Variants in ERV3-1 observed in about 807,000 individuals in gnomAD.
ERV3-1 encodes the protein endogenous retrovirus group 3 member 1 Env polyprotein.
Under a neutral mutation model 24.6 loss-of-function variants are expected in ERV3-1, and 36 were observed. The observed-to-expected ratio is 1.47, with a 90% confidence interval of 1.12 to 1.94. The LOEUF (loss-of-function observed/expected upper bound fraction) is 1.94. Among genes scored for constraint, ERV3-1 ranks in the 30% most tolerant of loss-of-function variants. The pLI is 0.00. For synonymous variants in ERV3-1, 211 were observed against 122.6 expected (o/e 1.72, Z -4.76); for missense variants, 578 against 330.9 (o/e 1.75, Z -5.79).
intron 1 of ERV3-1, chr7:65,004,017 A>T (rs540180346): frequency 8.5e-5 from 13 of 152,262 alleles, no homozygotes; most frequent in African/African-American, 2.9e-4. Flanking sequence ...CACTCTAAAA[A>T]CTAAGCCTTG....
At chr7:64,996,789 G>T (rs1350469044) in intron 1 of ERV3-1, among the ~76,000 whole-genome samples, 2 of 152,188 alleles carry the variant, frequency 1.3e-5, no homozygotes, top group Admixed American at 1.3e-4. Flanking sequence ...GGCCCTATGG[G>T]CTGGGTCACT....
rs114493766 is a variant in ERV3-1, at chr7:64,995,054, T to A, written c.-388-1640A>T. Among the ~76,000 whole-genome samples the A allele has an allele frequency of 7.3e-3, 1,110 of 152,350 alleles. 12 individuals are homozygous for A. The highest frequency in any genetic ancestry group is 0.024 in the African/African-American group (982 of 41,588). ...ATTCCCGGTTTGACTGGGAGCAGGG[T>A]AGCTGGGTTAAGGGTGTTCACTGTT... On this transcript the variant is annotated intron_variant, in intron 1 of 1. Transcript: ENST00000394323.
At chr7:64,997,953 C>T (rs1255473587) in intron 1 of ERV3-1, among the ~76,000 whole-genome samples, 2 of 152,136 alleles carry the variant, frequency 1.3e-5, no homozygotes, top group African/African-American at 4.8e-5. Flanking sequence ...CCCCGTGTTT[C>T]ACGGAGGGGC....
At chr7:64,993,834 T>C (rs1191327331) in intron 1 of ERV3-1, among the ~76,000 whole-genome samples, 1 of 152,188 alleles carries the variant, frequency 6.6e-6, no homozygotes, top group Non-Finnish European at 1.5e-5. Context: ...GTTCATGCAC[T>C]CTACTTTTCC....
At position 64,992,973 on chromosome 7, in the gene ERV3-1, G is replaced by A. The variant is rs1188524147; in HGVS notation, c.54C>T (p.Ser18=). The A allele has an allele frequency of 1.3e-6, 1 of 766,128 alleles. No individual in the cohort carries two copies. Among genetic ancestry groups the A allele is most frequent in the African/African-American group, 1.7e-5 (1 of 59,242 alleles). The allele number at this position is 766,128 out of a possible 1,614,324, so 47.5% of individuals were successfully genotyped here. Residue 18 remains serine, a synonymous_variant, in exon 2 of 2, where the codon TCC becomes TCT. Coordinates refer to ENST00000394323, the MANE Select transcript of ERV3-1 (RefSeq NM_001007253.4). Reference sequence around the variant, plus strand: ...CCTCCCAGGGTTCTCCTTTTAACATGGATAAGGGGAGTAGCAAGAACAAAG... The same window carrying A: ...CCTCCCAGGGTTCTCCTTTTAACATAGATAAGGGGAGTAGCAAGAACAAAG... ...LITLFLLLPL[S]MLKGEPWEGC...
chr7:65,003,839 G>C (rs1786574892), intron 1 of ERV3-1: 1 of 152,144 alleles, frequency 6.6e-6, no homozygotes, highest in African/African-American at 2.4e-5. Context: ...CAAGATGATA[G>C]AGTACAGAAC....
At position 64,992,277 on chromosome 7, in the gene ERV3-1, C is replaced by T. The variant is rs746276056; in HGVS notation, c.750G>A (p.Gln250=). 1 of 766,348 alleles carries T rather than the reference C, an allele frequency of 1.3e-6. No individual in the cohort carries two copies. The highest frequency in any genetic ancestry group is 1.3e-5 in the South Asian group (1 of 74,622). The allele number at this position is 766,348 out of a possible 1,614,324, so 47.5% of individuals were successfully genotyped here. The change falls in exon 2 of 2, where the codon CAG becomes CAA. Residue 250 remains glutamine, a synonymous_variant. Transcript: ENST00000394323. ...IKKTRTRSTQ[Q]FRVFESFYEH... ...CATAGAATGACTCAAAAACTCGGAA[C>T]TGTTGGGTTGAGCGGGTCCGAGTTT...
rs1458427917 is a variant in ERV3-1 at position 64,991,940 on chromosome 7, G to A, written c.1087C>T (p.Leu363=). The stretch of plus-strand genomic sequence containing the variant: ...GTCTCGTTGTAATATTGTTGTCCTA[G>A]GCAAGTTAACTCTCCTACTGGGTCT... ...FTDPVGELTC[L]GQQYYNETLG... The change falls in exon 2 of 2, where the codon CTA becomes TTA. Residue 363 remains leucine (L), a synonymous_variant. Coordinates refer to ENST00000394323, the MANE Select transcript of ERV3-1 (RefSeq NM_001007253.4). The A allele has an allele frequency of 1.3e-6, 1 of 766,316 alleles. No individual in the cohort carries two copies. The highest frequency in any genetic ancestry group is 1.7e-5 in the African/African-American group (1 of 59,204). 47.5% of individuals were successfully genotyped at this position (766,316 alleles called of 1,614,324 possible).
chr7:65,001,827 C>T (rs1413709814), intron 1 of ERV3-1, among the ~76,000 whole-genome samples: 1 of 152,190 alleles, frequency 6.6e-6, no homozygotes, highest in East Asian at 1.9e-4. Flanking sequence ...ATTATGACCC[C>T]ACTTAAGAGT....
In ERV3-1 at chr7:64,992,820, T is replaced by C. The variant is rs1455015114; in HGVS notation, c.207A>G (p.Ser69=). 1.3e-6 allele frequency: 1 copy of C among 766,410 alleles called. No individual in the cohort carries two copies. Among genetic ancestry groups the C allele is most frequent in the Non-Finnish European group, 2.4e-6 (1 of 417,888 alleles). The allele number at this position is 766,410 out of a possible 1,614,324, so 47.5% of individuals were successfully genotyped here. The change falls in exon 2 of 2, where the codon TCA becomes TCG. Residue 69 remains serine, a synonymous_variant. Coordinates refer to ENST00000394323, the MANE Select transcript of ERV3-1 (RefSeq NM_001007253.4). ...GCTGGCCCCTTCCTGGGTCACAGAC[T>C]GAGTAGGTTGTCTGGTTGTGAGTAC... ...GTCTHNQTTY[S]VCDPGRGQPY... is the part of the protein sequence containing the mutation.
chr7:65,000,620 A>C (rs967597991), intron 1 of ERV3-1, among the ~76,000 whole-genome samples: 4 of 152,150 alleles, frequency 2.6e-5, no homozygotes, highest in African/African-American at 9.7e-5. Flanking sequence ...CTCTACAAAA[A>C]GTACAAAAAG....
At position 65,006,646 on chromosome 7, in the gene ERV3-1, G is replaced by T. The variant is rs1244122131; in HGVS notation, c.-494C>A. 2.6e-6 allele frequency: 4 copies of T among 1,529,524 alleles called. No individual in the cohort carries two copies. Among genetic ancestry groups the T allele is most frequent in the Non-Finnish European group, 3.6e-6 (4 of 1,105,666 alleles). 94.7% of individuals were successfully genotyped at this position (1,529,524 alleles called of 1,614,324 possible). Reference sequence around the variant, plus strand: ...GGCCTCTAGGAGCAGAAGACACAGAGCAGTGAAGACTACACCAGAAGCTCC... The same window carrying T: ...GGCCTCTAGGAGCAGAAGACACAGATCAGTGAAGACTACACCAGAAGCTCC... On this transcript the variant is annotated 5_prime_UTR_variant, in exon 1 of 2. Coordinates refer to ENST00000394323, the MANE Select transcript of ERV3-1 (RefSeq NM_001007253.4).
chr7:64,995,861 A>G (rs1265037156), intron 1 of ERV3-1, among the ~76,000 whole-genome samples: 1 of 152,180 alleles, frequency 6.6e-6, no homozygotes, highest in Non-Finnish European at 1.5e-5. Context: ...CGCAGTTGTC[A>G]TTTGGTGGGG....
chr7:64,998,234 G>A (rs1219617186), intron 1 of ERV3-1, among the ~76,000 whole-genome samples: 2 of 152,162 alleles, frequency 1.3e-5, no homozygotes, highest in Non-Finnish European at 2.9e-5. Context: ...TGACAGTGAA[G>A]CTGATTTTTC....
rs1786309859 is a variant in ERV3-1 at position 64,992,829 on chromosome 7, T to A, written c.198A>T (p.Thr66=). The change falls in exon 2 of 2, where the codon ACA becomes ACT. Residue 66 remains threonine, a synonymous_variant. Transcript: ENST00000394323. ...TCLGTCTHNQ[T]TYSVCDPGRG... is the part of the protein sequence containing the mutation. ...TTCCTGGGTCACAGACTGAGTAGGTTGTCTGGTTGTGAGTACAAGTTCCTA... is the reference window on the plus strand; with the variant it reads ...TTCCTGGGTCACAGACTGAGTAGGTAGTCTGGTTGTGAGTACAAGTTCCTA... The A allele has an allele frequency of 1.3e-6, 1 of 766,270 alleles. No homozygotes were observed. The highest frequency in any genetic ancestry group is 1.3e-5 in the South Asian group (1 of 74,628). 47.5% of individuals were successfully genotyped at this position (766,270 alleles called of 1,614,324 possible). A position where few individuals can be genotyped will look rare whatever the true frequency, so the allele number is the denominator to read the frequency against.
At chr7:64,996,450 A>T (rs1381238828) in intron 1 of ERV3-1, among the ~76,000 whole-genome samples, 22 of 152,134 alleles carry the variant, frequency 1.4e-4, no homozygotes. Flanking sequence ...CCTAAATAAT[A>T]ATTTCTCTTC....
chr7:64,996,618 G>A (rs1316464806), intron 1 of ERV3-1, among the ~76,000 whole-genome samples: 1 of 152,186 alleles, frequency 6.6e-6, no homozygotes, highest in African/African-American at 2.4e-5. Flanking sequence ...TGCAATTTTT[G>A]GAGTAGGTCT....
intron 1 of ERV3-1, among the ~76,000 whole-genome samples, chr7:64,993,736 T>A (rs111819839): frequency 0.014 from 2,093 of 152,274 alleles, 41 homozygotes; most frequent in African/African-American, 0.047. Context: ...GGGGTGCACC[T>A]AACTTGAAGG....
rs1459537555 is a variant in ERV3-1 at position 64,992,650 on chromosome 7, A to C, written c.377T>G (p.Ile126Arg). 1 of 766,102 alleles carries C rather than the reference A, an allele frequency of 1.3e-6. No individual in the cohort carries two copies. Among genetic ancestry groups the C allele is most frequent in the Admixed American group, 1.7e-5 (1 of 59,010 alleles). 47.5% of individuals were successfully genotyped at this position (766,102 alleles called of 1,614,324 possible). The change falls in exon 2 of 2, where the codon ATA becomes AGA. Residue 126 changes from isoleucine (I) to arginine (R), a missense_variant. By Grantham distance (97) the Ile-to-Arg change is moderately conservative. Coordinates refer to ENST00000394323, the MANE Select transcript of ERV3-1 (RefSeq NM_001007253.4). Reference sequence around the variant, plus strand: ...GGGAAAGAGTGAGCCCATGGATACTATCTGGCAAACATCAAAGTATAAGGA... The same window carrying C: ...GGGAAAGAGTGAGCCCATGGATACTCTCTGGCAAACATCAAAGTATAAGGA... ...VVSLYFDVCQ[I>R]VSMGSLFPVI... is the part of the protein sequence containing the mutation.
Sources: gnomAD v4.1 joint callset for allele counts (sites outside exome capture counted in the v4.1 genomes callset) on GRCh38, gnomAD v4.1.1 for gene constraint, MANE v1.5 for transcripts, NCBI Gene and HGNC (gene_info 2026-07-23, HGNC 2026-07-21) for gene names.